LRPPRC: variants seen among roughly 807,000 people sequenced by gnomAD.
LRPPRC encodes leucine rich pentatricopeptide repeat containing, also known as leucine-rich PPR motif-containing protein, mitochondrial.
LRPPRC carries 120 observed loss-of-function variants against 180.3 expected under a neutral mutation model. That is an observed-to-expected ratio of 0.67 (90% CI 0.57 to 0.77). LRPPRC has a LOEUF of 0.77. Ranked by LOEUF, LRPPRC falls within the 30% of genes least tolerant of loss-of-function variation. LRPPRC has a pLI of 0.00. For synonymous variants in LRPPRC, 723 were observed against 600.0 expected, an observed-to-expected ratio of 1.21 and a Z score of -3.00; for missense variants, 2,012 against 1,657.2, an observed-to-expected ratio of 1.21 and a Z score of -3.72.
chr2:43,995,351 G>A (rs1422509659), intron 1 of LRPPRC, among the ~76,000 whole-genome samples: 1 of 152,126 alleles, frequency 6.6e-6, no homozygotes, highest in African/African-American at 2.4e-5. Flanking sequence ...CCCACTCCTC[G>A]CCGCCCCATC....
chr2:43,982,165 G>T, intron 2 of LRPPRC, 73 bp downstream of exon 2: 1 of 1,054,386 alleles, frequency 9.5e-7, no homozygotes, highest in Non-Finnish European at 1.4e-6. Context: ...GCCTCCCAAA[G>T]TGCTGGGATT....
intron 29 of LRPPRC, among the ~76,000 whole-genome samples, chr2:43,916,781 T>C (rs998883592): frequency 6.6e-6 from 1 of 151,460 alleles, no homozygotes; most frequent in Non-Finnish European, 1.5e-5. Context: ...TAGCGAGACC[T>C]TGTCACTACA....
intron 22 of LRPPRC, 136 bp downstream of exon 22, chr2:43,945,196 G>C (rs1254502253): frequency 5.9e-6 from 4 of 679,388 alleles, no homozygotes; most frequent in Admixed American, 2.1e-5. Context: ...TGTAGCTCTG[G>C]TTGGATTCAC....
At position 43,949,617 on chromosome 2, in the gene LRPPRC, G is replaced by T. The variant is rs878986597; in HGVS notation, c.1720C>A (p.Pro574Thr). Reference sequence around the variant, plus strand: ...GAAACGCTACCCGTCGGTCCTCGAGGCTCCTGGCAATAACGTCCATCCTTG... The same window carrying T: ...GAAACGCTACCCGTCGGTCCTCGAGTCTCCTGGCAATAACGTCCATCCTTG... ...LYKDGRYCQE[P>T]RGPTEAVGYF... The change falls in exon 16 of 38, where the codon CCT becomes ACT. Residue 574 changes from proline (P) to threonine (T), a missense_variant. Coordinates refer to ENST00000260665, the MANE Select transcript of LRPPRC (RefSeq NM_133259.4). 2 of 1,613,896 alleles carry T rather than the reference G, an allele frequency of 1.2e-6. No homozygotes were observed. Among genetic ancestry groups the T allele is most frequent in the Non-Finnish European group, 8.5e-7 (1 of 1,179,848 alleles).
chr2:43,892,955 A>T (rs1208765910), intron 36 of LRPPRC, among the ~76,000 whole-genome samples: 1 of 152,208 alleles, frequency 6.6e-6, no homozygotes, highest in Non-Finnish European at 1.5e-5. Flanking sequence ...TAGGAGGTCA[A>T]ATTATCAACA....
intron 27 of LRPPRC, among the ~76,000 whole-genome samples, chr2:43,919,479 C>T (rs1361209719): frequency 1.3e-5 from 2 of 152,188 alleles, no homozygotes; most frequent in Non-Finnish European, 2.9e-5. Flanking sequence ...CTGTGTGATA[C>T]ATGGAATCTT....
chr2:43,987,888 C>G (rs1306084565), intron 1 of LRPPRC, among the ~76,000 whole-genome samples: 2 of 151,998 alleles, frequency 1.3e-5, no homozygotes, highest in East Asian at 3.9e-4. Context: ...ATATTCTTAT[C>G]TAGTAATAAA....
At chr2:43,988,234 C>G (rs111529034) in intron 1 of LRPPRC, among the ~76,000 whole-genome samples, 1 of 69,530 alleles carries the variant, frequency 1.4e-5, no homozygotes, top group Non-Finnish European at 2.9e-5. Context: ...GAGACTCTGT[C>G]TCAAAAAAAA....
In LRPPRC at chr2:43,995,970, G is replaced by T. The variant is rs1441200990; in HGVS notation, c.-23C>A. ...CATTGCTCGAACGTCCCCGCAGCGG[G>T]AAGCACGCTCCGCCAGAAGGACAGG... On this transcript the variant is annotated 5_prime_UTR_variant, in exon 1 of 38. Transcript: ENST00000260665. The T allele has an allele frequency of 1.3e-6, 2 of 1,523,878 alleles. No individual in the cohort carries two copies. The highest frequency in any genetic ancestry group is 1.8e-6 in the Non-Finnish European group (2 of 1,142,324). 94.4% of individuals were successfully genotyped at this position (1,523,878 alleles called of 1,614,324 possible).
chr2:43,962,957 A>C (rs1311790608), intron 12 of LRPPRC, among the ~76,000 whole-genome samples: 2 of 152,158 alleles, frequency 1.3e-5, no homozygotes, highest in Admixed American at 6.5e-5. Flanking sequence ...AAAATAAAAT[A>C]AAACCTAATT....
chr2:43,965,126 T>C (rs1376235440), intron 11 of LRPPRC, among the ~76,000 whole-genome samples: 2 of 152,116 alleles, frequency 1.3e-5, no homozygotes, highest in Non-Finnish European at 2.9e-5. Context: ...CTCAGCCTCC[T>C]GGGTAGCTGG....
At chr2:43,959,384 A>G (rs1417901688) in intron 13 of LRPPRC, among the ~76,000 whole-genome samples, 1 of 152,224 alleles carries the variant, frequency 6.6e-6, no homozygotes, top group African/African-American at 2.4e-5. Context: ...CGACATGCAC[A>G]AGTAATACAT....
intron 27 of LRPPRC, among the ~76,000 whole-genome samples, chr2:43,923,968 T>C (rs762767059): frequency 6.6e-6 from 1 of 152,202 alleles, no homozygotes; most frequent in Non-Finnish European, 1.5e-5. Flanking sequence ...CTCAGCATTG[T>C]GTGCAAGAAT....
At chr2:43,935,329 T>C (rs1672238263) in intron 23 of LRPPRC, among the ~76,000 whole-genome samples, 1 of 152,222 alleles carries the variant, frequency 6.6e-6, no homozygotes, top group Admixed American at 6.5e-5. Flanking sequence ...TTATTAAATG[T>C]CCACCAATAG....
chr2:43,973,319 C>G (rs1029379173), intron 11 of LRPPRC, among the ~76,000 whole-genome samples: 1 of 151,832 alleles, frequency 6.6e-6, no homozygotes, highest in Non-Finnish European at 1.5e-5. Context: ...AAATCAAGAA[C>G]TAAAGAGTTT....
Position 43,963,661 on chromosome 2 carries a change from G to A in LRPPRC, c.1415C>T (p.Pro472Leu), listed in dbSNP as rs1384642303. The A allele has an allele frequency of 6.2e-7, 1 of 1,611,144 alleles. No homozygotes were observed. Among genetic ancestry groups the A allele is most frequent in the South Asian group, 1.1e-5 (1 of 91,016 alleles). Reference sequence around the variant, plus strand: ...ATAATCTGTATATGTTTCCTGATCAGGATGTACTCCCAATTCTTGCATTCC... The same window carrying A: ...ATAATCTGTATATGTTTCCTGATCAAGATGTACTCCCAATTCTTGCATTCC... Reference protein sequence around the residue: ...LKGMQELGVHPDQETYTDYVI... With the variant: ...LKGMQELGVHLDQETYTDYVI... The change falls in exon 12 of 38, where the codon CCT becomes CTT. Residue 472 changes from proline to leucine, a missense_variant. By Grantham distance (98) the Pro-to-Leu change is moderately conservative. Transcript: ENST00000260665.
At chr2:43,906,205 G>A (rs955547688) in intron 30 of LRPPRC, among the ~76,000 whole-genome samples, 4 of 151,872 alleles carry the variant, frequency 2.6e-5, no homozygotes, top group Admixed American at 2.6e-4. Context: ...TTTCAGCACT[G>A]TACATTTTAA....
At chr2:43,932,485 G>C (rs535604809) in intron 25 of LRPPRC, among the ~76,000 whole-genome samples, 1 of 152,076 alleles carries the variant, frequency 6.6e-6, no homozygotes, top group Non-Finnish European at 1.5e-5. Context: ...CACCTACTAC[G>C]AAAATTCTGT....
In LRPPRC at chr2:43,956,656, G is replaced by A. The variant is rs375182377; in HGVS notation, c.1649+729C>T. Among the ~76,000 whole-genome samples, 363 of 152,262 alleles carry A rather than the reference G, an allele frequency of 2.4e-3. 1 individual carries two copies. The highest frequency in any genetic ancestry group is 4.0e-3 in the Non-Finnish European group (272 of 68,000). On this transcript the variant is annotated intron_variant, in intron 14 of 37. Transcript: ENST00000260665. ...TGTAAACCCAGCACTTTGGGAGGCCGAGGCAGGTGAATCACCTGAGGTCAG... is the reference window on the plus strand; with the variant it reads ...TGTAAACCCAGCACTTTGGGAGGCCAAGGCAGGTGAATCACCTGAGGTCAG...
Sources: allele counts gnomAD v4.1 joint callset (sites outside exome capture counted in the v4.1 genomes callset), GRCh38; gene constraint gnomAD v4.1.1; transcripts MANE v1.5; gene names NCBI Gene and HGNC (gene_info 2026-07-23, HGNC 2026-07-21).